The following IPO9 variants were observed in gnomAD, a reference collection of about 807,000 sequenced individuals.
IPO9 encodes the protein importin 9, also known as importin-9.
IPO9 carries 28 observed loss-of-function variants against 128.6 expected under a neutral mutation model. That is an observed-to-expected ratio of 0.22 (90% confidence interval 0.16 to 0.30). The LOEUF (loss-of-function observed/expected upper bound fraction) is 0.30. IPO9 is among the 10% of genes least tolerant of loss of function. IPO9 has a pLI of 1.00. For synonymous variants in IPO9, 455 were observed against 475.8 expected (o/e 0.96, Z 0.57); for missense variants, 935 against 1,293.9 (o/e 0.72, Z 4.26).
In IPO9 at chr1:201,854,579, T is replaced by C. The variant is rs1451168979; in HGVS notation, c.691-16T>C. The C allele has an allele frequency of 3.1e-6, 5 of 1,612,622 alleles. No homozygotes were observed. The highest frequency in any genetic ancestry group is 1.1e-5 in the South Asian group (1 of 90,920). On this transcript the variant is annotated splice_polypyrimidine_tract_variant and intron_variant, in intron 6 of 23. Transcript: ENST00000361565. The stretch of plus-strand genomic sequence containing the variant: ...TTAGGGGTTTGTCCAGTATTGACTT[T>C]GGTTTCTGTTATCAGGGTGCAGCCA...
intron 2 of IPO9, 105 bp from the exon 3 acceptor site, chr1:201,847,447 G>A: frequency 7.4e-7 from 1 of 1,356,768 alleles, no homozygotes; most frequent in Non-Finnish European, 1.0e-6. Context: ...CTAGGATGTT[G>A]TGCCAGATTT....
chr1:201,839,379 G>A (rs77635059), intron 1 of IPO9, among the ~76,000 whole-genome samples: 33,323 of 151,474 alleles, frequency 0.22, 4,021 homozygotes, highest in Non-Finnish European at 0.28. Context: ...ACCACGCCCA[G>A]CTGATTTTTG....
At chr1:201,843,569 A>G (rs2678212) in intron 1 of IPO9, among the ~76,000 whole-genome samples, 151,365 of 152,326 alleles carry the variant, frequency 0.99, 75,211 homozygotes, top group East Asian at 1. Context: ...GGTGGCCCAC[A>G]CCTGTAATCC....
intron 1 of IPO9, among the ~76,000 whole-genome samples, chr1:201,843,226 T>C (rs1413162352): frequency 6.6e-6 from 1 of 152,222 alleles, no homozygotes; most frequent in Non-Finnish European, 1.5e-5. Context: ...GCCCCAATTT[T>C]GCTGGATGGG....
rs755739236 is a variant in IPO9 at position 201,877,918 on chromosome 1, ACT to A, written c.*1867_*1868del. On this transcript the variant is annotated 3_prime_UTR_variant, in exon 24 of 24. Transcript: ENST00000361565. ...CAGCCTGGGCAACAAGAGGAGCGAA[ACT>A]CTGTCTCAAAAAAAAAAAAGAGAAA... 4.6e-5 allele frequency: 7 copies of A among 151,344 alleles called. No individual in the cohort carries two copies. Among genetic ancestry groups the A allele is most frequent in the Non-Finnish European group, 7.4e-5 (5 of 67,978 alleles). The allele number at this position is 151,344 out of a possible 1,614,324, so 9.4% of individuals were successfully genotyped here.
chr1:201,852,562 C>G (rs1006224217), intron 5 of IPO9, among the ~76,000 whole-genome samples: 1 of 152,056 alleles, frequency 6.6e-6, no homozygotes, highest in Non-Finnish European at 1.5e-5. Context: ...ACATAATAGA[C>G]CCTTAATATA....
Position 201,882,461 on chromosome 1 carries a change from A to T in IPO9, c.*6407A>T, listed in dbSNP as rs1680906283. 6.7e-6 allele frequency: 1 copy of T among 149,282 alleles called. No individual in the cohort carries two copies. Among genetic ancestry groups the T allele is most frequent in the African/African-American group, 2.5e-5 (1 of 40,526 alleles). 9.2% of individuals were successfully genotyped at this position (149,282 alleles called of 1,614,324 possible). A position where few individuals can be genotyped will look rare whatever the true frequency, so the allele number is the denominator to read the frequency against. Reference sequence around the variant, plus strand: ...AAAAAAAAAAACAAAAAAAAAAACAAGTTTTGTGAATTTAAGTTTCCCTAA... The same window carrying T: ...AAAAAAAAAAACAAAAAAAAAAACATGTTTTGTGAATTTAAGTTTCCCTAA... On this transcript the variant is annotated 3_prime_UTR_variant, in exon 24 of 24. Transcript: ENST00000361565.
Position 201,829,388 on chromosome 1 carries a change from C to T in IPO9, c.163+16C>T. On this transcript the variant is annotated intron_variant, in intron 1 of 23. Coordinates refer to ENST00000361565, the MANE Select transcript of IPO9 (RefSeq NM_018085.5). ...GTGACGGAGGGTGAGTGAGGCGGGA[C>T]CGTCACGAGGATGGCTCAGCCGCAC... 1 of 1,546,218 alleles carries T rather than the reference C, an allele frequency of 6.5e-7. No homozygotes were observed. Among genetic ancestry groups the T allele is most frequent in the Non-Finnish European group, 8.7e-7 (1 of 1,146,492 alleles).
rs1320113470 is a variant in IPO9 at position 201,854,997 on chromosome 1, T to C, written c.911+74T>C. ...AATCTCGCACTGGGTTTCACATTCA[T>C]ATGGTTCCACTCTTCTTACACAGGC... is the stretch of plus-strand genomic sequence containing the variant. On this transcript the variant is annotated intron_variant, in intron 8 of 23. Coordinates refer to ENST00000361565, the MANE Select transcript of IPO9 (RefSeq NM_018085.5). 2.9e-6 allele frequency: 4 copies of C among 1,381,508 alleles called. No homozygotes were observed. In the South Asian group the frequency reaches 5.2e-5, roughly 18 times the overall value. The allele number at this position is 1,381,508 out of a possible 1,614,324, so 85.6% of individuals were successfully genotyped here.
At position 201,876,258 on chromosome 1, in the gene IPO9, CA is replaced by C; in HGVS notation, c.*207del. On this transcript the variant is annotated 3_prime_UTR_variant, in exon 24 of 24. Transcript: ENST00000361565. ...GAATGCTGGAACAAAGGACATTTCT[CA>C]AAGTTCCCCTGAAGACATGCCATCT... The C allele has an allele frequency of 1.4e-6, 1 of 692,196 alleles. No homozygotes were observed. The highest frequency in any genetic ancestry group is 2.7e-6 in the Non-Finnish European group (1 of 369,232). The allele number at this position is 692,196 out of a possible 1,614,324, so 42.9% of individuals were successfully genotyped here. A position where few individuals can be genotyped will look rare whatever the true frequency, so the allele number is the denominator to read the frequency against.
At chr1:201,854,991 C>T in intron 8 of IPO9, 68 bp downstream of exon 8, 2 of 1,396,206 alleles carry the variant, frequency 1.4e-6, no homozygotes, top group African/African-American at 1.4e-5. Context: ...CTGGGTTTCA[C>T]ATTCATATGG....
intron 14 of IPO9, among the ~76,000 whole-genome samples, chr1:201,864,940 A>G (rs1680521624): frequency 6.6e-6 from 1 of 152,224 alleles, no homozygotes; most frequent in Non-Finnish European, 1.5e-5. Flanking sequence ...TGTAACAGAT[A>G]TCTCTGTAGG....
chr1:201,847,703 A>G, intron 3 of IPO9, 65 bp downstream of exon 3: 3 of 1,134,056 alleles, frequency 2.6e-6, no homozygotes, highest in Non-Finnish European at 4.0e-6. Context: ...AGATTAGACT[A>G]TAACATTCTT....
At chr1:201,868,852 C>T in intron 16 of IPO9, 56 bp downstream of exon 16, 2 of 1,521,538 alleles carry the variant, frequency 1.3e-6, no homozygotes, top group South Asian at 1.3e-5. Context: ...AAGTGCCACC[C>T]ACAGATGCAT....
chr1:201,838,347 C>G (rs1679978415), intron 1 of IPO9, among the ~76,000 whole-genome samples: 1 of 152,182 alleles, frequency 6.6e-6, no homozygotes. Flanking sequence ...TTTTAGAGTG[C>G]TTTTTTCCAT....
chr1:201,864,611 TTGCAGCTGCAAGC>T (rs1374319431), intron 14 of IPO9, among the ~76,000 whole-genome samples: 1 of 152,196 alleles, frequency 6.6e-6, no homozygotes, highest in East Asian at 1.9e-4. Context: ...ATGGAAATGT[TTGCAGCTGCAAGC>T]TGTGAGAGGA....
At chr1:201,853,937 C>T (rs1028759323) in intron 6 of IPO9, among the ~76,000 whole-genome samples, 1 of 152,120 alleles carries the variant, frequency 6.6e-6, no homozygotes, top group Non-Finnish European at 1.5e-5. Context: ...AGGGTTTCAC[C>T]ATGTTGGCCA....
In IPO9 at chr1:201,875,171, T is replaced by G. The variant is rs1206636413; in HGVS notation, c.2958T>G (p.Asp986Glu). Residue 986 changes from aspartate (D) to glutamate (E), a missense_variant, in exon 23 of 24, where the codon GAT (aspartate) becomes GAG (glutamate). Coordinates refer to ENST00000361565, the MANE Select transcript of IPO9 (RefSeq NM_018085.5). ...TSKYEEDYYE[D>E]DEEDDPDALK... The stretch of plus-strand genomic sequence containing the variant: ...TAACAGAGGAGGATTACTACGAGGA[T>G]GATGAGGAAGATGACCCTGATGCCC... 5 of 1,614,184 alleles carry G rather than the reference T, an allele frequency of 3.1e-6. No homozygotes were observed. The East Asian group carries it at 1.1e-4, about 36-fold the overall frequency.
At chr1:201,832,129 G>C (rs186955292) in intron 1 of IPO9, among the ~76,000 whole-genome samples, 1 of 151,578 alleles carries the variant, frequency 6.6e-6, no homozygotes, top group Non-Finnish European at 1.5e-5. Context: ...TCGAACTCCT[G>C]ACCTCAGGTG....
Sources: allele counts gnomAD v4.1 joint callset (sites outside exome capture counted in the v4.1 genomes callset), GRCh38; gene constraint gnomAD v4.1.1; transcripts MANE v1.5; gene names NCBI Gene and HGNC (gene_info 2026-07-23, HGNC 2026-07-21).